The following ST7 variants were observed in gnomAD, a reference collection of about 807,000 sequenced individuals.
ST7 encodes suppression of tumorigenicity 7, also known as suppressor of tumorigenicity 7 protein.
A neutral mutation model predicts 78.7 loss-of-function variants in ST7; 28 were observed. That is an observed-to-expected ratio of 0.36 (90% CI 0.26 to 0.49). The LOEUF (loss-of-function observed/expected upper bound fraction) is 0.49, where lower values mean the gene tolerates loss of function less well. Ranked by LOEUF, ST7 falls within the 20% of genes least tolerant of loss-of-function variation. The pLI is 0.99. For synonymous variants in ST7, 247 were observed against 249.6 expected (o/e 0.99, Z 0.10); for missense variants, 418 against 696.0 (o/e 0.60, Z 4.49).
rs143271801 is a variant in ST7, at chr7:117,222,942, A to G, written c.1638+880A>G. On this transcript the variant is annotated intron_variant, in intron 15 of 15. Transcript: ENST00000323984. ...CATGCGTGTTGAAGATGAACTGGAAATCCCTCCGGCACCTCAATCTCAACA... is the reference window on the plus strand; with the variant it reads ...CATGCGTGTTGAAGATGAACTGGAAGTCCCTCCGGCACCTCAATCTCAACA... 6.4e-5 allele frequency: 103 copies of G among 1,613,908 alleles called. No individual in the cohort carries two copies. In the African/African-American group the frequency reaches 1.1e-3, roughly 17 times the overall value.
chr7:117,030,291 A>G (rs146406337), intron 1 of ST7, among the ~76,000 whole-genome samples: 3 of 152,202 alleles, frequency 2.0e-5, no homozygotes, highest in Non-Finnish European at 1.5e-5. Flanking sequence ...TACCCACTGA[A>G]TATATGTTTC....
chr7:117,077,709 A>T (rs1013895011), intron 1 of ST7, among the ~76,000 whole-genome samples: 28 of 152,208 alleles, frequency 1.8e-4, no homozygotes, highest in African/African-American at 6.0e-4. Flanking sequence ...AATAATAGTT[A>T]TTATAGGCTG....
At chr7:117,040,548 A>G (rs1797158466) in intron 1 of ST7, among the ~76,000 whole-genome samples, 1 of 152,220 alleles carries the variant, frequency 6.6e-6, no homozygotes, top group African/African-American at 2.4e-5. Flanking sequence ...TCGCATAGTA[A>G]ATACCCTCTC....
At chr7:117,201,190 T>C (rs1045608278) in intron 12 of ST7, among the ~76,000 whole-genome samples, 2 of 152,188 alleles carry the variant, frequency 1.3e-5, no homozygotes, top group African/African-American at 4.8e-5. Flanking sequence ...AAATATTATT[T>C]CGATATAAGT....
intron 2 of ST7, among the ~76,000 whole-genome samples, chr7:117,108,831 GTATTTTTT>G (rs911999433): frequency 1.3e-5 from 2 of 152,102 alleles, no homozygotes; most frequent in Non-Finnish European, 2.9e-5. Flanking sequence ...GTATTCCTAA[GTATTTTTT>G]TATTTTTTTA....
At chr7:117,097,908 A>ATATTTT in intron 1 of ST7, among the ~76,000 whole-genome samples, 1 of 30,012 alleles carries the variant, frequency 3.3e-5, no homozygotes, top group African/African-American at 1.6e-4. Context: ...ATATATATAT[A>ATATTTT]TTTTTTTTTT....
chr7:116,959,052 C>T (rs1340048065), intron 1 of ST7: 1 of 398,350 alleles, frequency 2.5e-6, no homozygotes, highest in Non-Finnish European at 4.9e-6. Context: ...TAGCATTTTA[C>T]CCACAGTAGG....
At chr7:117,057,899 AAGTCTGGT>A (rs1798145654) in intron 1 of ST7, among the ~76,000 whole-genome samples, 1 of 152,152 alleles carries the variant, frequency 6.6e-6, no homozygotes, top group Non-Finnish European at 1.5e-5. Context: ...ACCACCTGTA[AAGTCTGGT>A]AGTTATAGTA....
At chr7:117,070,145 A>G (rs1798851290) in intron 1 of ST7, among the ~76,000 whole-genome samples, 2 of 152,166 alleles carry the variant, frequency 1.3e-5, no homozygotes, top group African/African-American at 4.8e-5. Context: ...ATAGATACAA[A>G]TAACTTTCAG....
chr7:117,217,757 A>G (rs1387094854), intron 13 of ST7, among the ~76,000 whole-genome samples: 3 of 152,196 alleles, frequency 2.0e-5, no homozygotes, highest in Non-Finnish European at 4.4e-5. Flanking sequence ...AATTGATAAC[A>G]TTTTTACCTC....
chr7:116,972,768 C>G (rs1463208550), intron 1 of ST7: 20 of 932,634 alleles, frequency 2.1e-5, no homozygotes, highest in Non-Finnish European at 3.5e-5. Flanking sequence ...AGGAGGCCAC[C>G]TCAGCCTCAG....
chr7:117,112,356 G>A (rs1802503170), intron 2 of ST7: 2 of 152,134 alleles, frequency 1.3e-5, no homozygotes, highest in Admixed American at 6.6e-5. Context: ...TAAGCACTTT[G>A]CATATATTAT....
At chr7:117,040,383 GAGTT>G (rs1308345627) in intron 1 of ST7, among the ~76,000 whole-genome samples, 3 of 151,690 alleles carry the variant, frequency 2.0e-5, no homozygotes, top group Admixed American at 6.6e-5. Flanking sequence ...AAAAAAAAAA[GAGTT>G]AGAAACATTC....
chr7:117,097,844 G>GTATGACATATCACTATATATATA (rs1554435976), intron 1 of ST7, among the ~76,000 whole-genome samples: 2 of 67,762 alleles, frequency 3.0e-5, no homozygotes, highest in Admixed American at 1.9e-4. Flanking sequence ...ATATATATAT[G>GTATGACATATCACTATATATATA]TATGACATAT....
chr7:117,058,844 A>G (rs553400100), intron 1 of ST7, among the ~76,000 whole-genome samples: 103 of 152,324 alleles, frequency 6.8e-4, no homozygotes, highest in Non-Finnish European at 1.0e-3. Flanking sequence ...CATATACACA[A>G]TGGAGTACGA....
chr7:117,086,086 A>G (rs1010392130), intron 1 of ST7, among the ~76,000 whole-genome samples: 4 of 150,282 alleles, frequency 2.7e-5, no homozygotes, highest in Non-Finnish European at 5.9e-5. Flanking sequence ...TTCTTTCTTG[A>G]GCAGGGGCAG....
intron 1 of ST7, chr7:116,967,242 T>A: frequency 2.1e-6 from 1 of 469,832 alleles, no homozygotes; most frequent in South Asian, 1.6e-5. Context: ...ATTCTGAGCC[T>A]GTTCTGGAAG....
At position 117,119,681 on chromosome 7, in the gene ST7, A is replaced by G. The variant is rs1249501967; in HGVS notation, c.355A>G (p.Ser119Gly). 1 of 1,613,524 alleles carries G rather than the reference A, an allele frequency of 6.2e-7. No homozygotes were observed. The change falls in exon 3 of 16, where the codon AGT becomes GGT. Residue 119 changes from serine to glycine, a missense_variant. This residue lies in a region of ST7 where 36 missense variants were observed against 29.7 expected (regional missense o/e 1.21). Transcript: ENST00000323984. ...DNNSSNNSNS[S>G]NGDSDSNRQS... ...CAACTCTTCCAACAATTCTAATTCC[A>G]GTAACGGGGACTCAGATTCCAATAG...
rs115044963 is a variant in ST7 at position 117,078,681 on chromosome 7, A to T, written c.152-21081A>T. ...CTACTATTATAAAGCTTGAAAAAGG[A>T]TAGAACAAGAAGAGTCATGGTTGTA... On this transcript the variant is annotated intron_variant, in intron 1 of 15. Coordinates refer to ENST00000323984, the MANE Select transcript of ST7 (RefSeq NM_001369598.1). Among the ~76,000 whole-genome samples, 1,272 of 152,330 alleles carry T rather than the reference A, an allele frequency of 8.4e-3. 18 individuals are homozygous for T. Among genetic ancestry groups the T allele is most frequent in the African/African-American group, 0.028 (1,169 of 41,568 alleles).
Sources: gnomAD v4.1 joint callset for allele counts (sites outside exome capture counted in the v4.1 genomes callset) on GRCh38, gnomAD v4.1.1 for gene constraint, gnomAD v4.1.1 regional missense constraint, MANE v1.5 for transcripts, NCBI Gene and HGNC (gene_info 2026-07-23, HGNC 2026-07-21) for gene names.